WWTR1: variants seen among roughly 807,000 people sequenced by gnomAD.
The protein encoded by WWTR1 is WW domain-containing transcription regulator protein 1.
In WWTR1, 13 loss-of-function variants were observed where a neutral mutation model predicts 40.1. The observed-to-expected ratio is 0.32, with a 90% CI of 0.21 to 0.52. WWTR1 has a LOEUF of 0.52. Among genes scored for constraint, WWTR1 ranks in the 20% least tolerant of loss-of-function variants. WWTR1 has a pLI of 0.97. For missense variants in WWTR1, 436 were observed against 523.1 expected, an observed-to-expected ratio of 0.83 and a Z score of 1.63; for synonymous variants, 230 against 210.1, an observed-to-expected ratio of 1.09 and a Z score of -0.82.
At chr3:149,707,523 T>C (rs1715362481), upstream of WWTR1, among the ~76,000 whole-genome samples, 1 of 152,028 alleles carries the variant, frequency 6.6e-6, no homozygotes, top group Admixed American at 6.6e-5. Flanking sequence ...TTAATAGATG[T>C]TTTATGAAAA....
At chr3:149,563,221 C>T (rs1311391898) in intron 3 of WWTR1, among the ~76,000 whole-genome samples, 1 of 152,102 alleles carries the variant, frequency 6.6e-6, no homozygotes, top group African/African-American at 2.4e-5. Flanking sequence ...GTGGTGCAAA[C>T]AAAGAAAGGA....
intron 1 of WWTR1, among the ~76,000 whole-genome samples, chr3:149,672,127 A>C (rs1004769940): frequency 1.3e-5 from 2 of 152,078 alleles, no homozygotes; most frequent in South Asian, 4.1e-4. Context: ...AGGCTACAAA[A>C]AAACAAAAAA....
In WWTR1 at chr3:149,520,795, A is replaced by G. The variant is rs1560041198; in HGVS notation, c.*10T>C. 9.0e-6 allele frequency: 14 copies of G among 1,562,856 alleles called. No individual in the cohort carries two copies. Among genetic ancestry groups the G allele is most frequent in the East Asian group, 2.3e-5 (1 of 42,750 alleles). On this transcript the variant is annotated 3_prime_UTR_variant, in exon 7 of 7. Coordinates refer to ENST00000360632, the MANE Select transcript of WWTR1 (RefSeq NM_015472.6). Reference sequence around the variant, plus strand: ...AGGTCATGGCTACATCCAAGTTACAATGGTAGTGATTACAGCCAGGTTAGA... The same window carrying G: ...AGGTCATGGCTACATCCAAGTTACAGTGGTAGTGATTACAGCCAGGTTAGA...
At chr3:149,626,312 G>A (rs941228867) in intron 2 of WWTR1, among the ~76,000 whole-genome samples, 1 of 152,188 alleles carries the variant, frequency 6.6e-6, no homozygotes, top group African/African-American at 2.4e-5. Context: ...CCAGCATACA[G>A]TAATGCAACA....
intron 2 of WWTR1, among the ~76,000 whole-genome samples, chr3:149,588,739 A>G (rs1738556351): frequency 6.6e-6 from 1 of 152,192 alleles, no homozygotes; most frequent in South Asian, 2.1e-4. Context: ...CCTCCCCCCA[A>G]AATGAACCCA....
chr3:149,642,494 G>C (rs534227233), intron 2 of WWTR1, among the ~76,000 whole-genome samples: 3 of 151,642 alleles, frequency 2.0e-5, no homozygotes, highest in Non-Finnish European at 4.4e-5. Flanking sequence ...AGAGAAATCC[G>C]GCCGGGCACG....
upstream of WWTR1, chr3:149,661,273 C>T (rs2108173721): frequency 6.6e-6 from 1 of 152,552 alleles, no homozygotes; most frequent in East Asian, 1.9e-4. Context: ...CATCAGTGAC[C>T]ACCAGTAAGA....
chr3:149,611,922 T>A (rs1290088821), intron 2 of WWTR1, among the ~76,000 whole-genome samples: 1 of 152,378 alleles, frequency 6.6e-6, no homozygotes, highest in East Asian at 1.9e-4. Context: ...AAAACACTTC[T>A]ATTTACATTA....
At chr3:149,628,763 T>C (rs947888376) in intron 2 of WWTR1, among the ~76,000 whole-genome samples, 1 of 151,188 alleles carries the variant, frequency 6.6e-6, no homozygotes, top group Admixed American at 6.6e-5. Flanking sequence ...TTTTATTTTA[T>C]TTTATTTTAT....
intron 2 of WWTR1, among the ~76,000 whole-genome samples, chr3:149,627,492 C>G: frequency 6.6e-6 from 1 of 152,144 alleles, no homozygotes; most frequent in East Asian, 1.9e-4. Context: ...TGCCTTAAAC[C>G]AGCCCTTTCC....
chr3:149,666,611 CT>C (rs550160617), intron 2 of WWTR1, among the ~76,000 whole-genome samples: 22 of 152,138 alleles, frequency 1.4e-4, no homozygotes, highest in Non-Finnish European at 1.6e-4. Context: ...TACAAAACAA[CT>C]TCACATGTAC....
At chr3:149,722,676 A>G (rs961463636) in intron 4 of WWTR1, among the ~76,000 whole-genome samples, 4 of 151,732 alleles carry the variant, frequency 2.6e-5, no homozygotes, top group African/African-American at 9.7e-5. Flanking sequence ...GATCTGCTTG[A>G]TGGTACCCTA....
chr3:149,624,041 C>T (rs1054187346), intron 2 of WWTR1, among the ~76,000 whole-genome samples: 1 of 152,200 alleles, frequency 6.6e-6, no homozygotes, highest in Non-Finnish European at 1.5e-5. Context: ...TTCCCTTCGT[C>T]CGGCCACATC....
intron 2 of WWTR1, among the ~76,000 whole-genome samples, chr3:149,588,530 G>A (rs755792657): frequency 1.3e-5 from 2 of 152,142 alleles, no homozygotes; most frequent in Non-Finnish European, 2.9e-5. Context: ...GTCAGACAGT[G>A]GAAGACTGAA....
chr3:149,547,221 C>A lies in WWTR1; in HGVS notation c.569-4684G>T, dbSNP rs1736402505. On this transcript the variant is annotated intron_variant, in intron 3 of 6. Coordinates refer to ENST00000360632, the MANE Select transcript of WWTR1 (RefSeq NM_015472.6). Reference sequence around the variant, plus strand: ...ACATTTTAGGGAGAGAACAATAGTTCCATTAAAAAAAAAAAAAAAAGAGCT... The same window carrying A: ...ACATTTTAGGGAGAGAACAATAGTTACATTAAAAAAAAAAAAAAAAGAGCT... Among the ~76,000 whole-genome samples, 3 of 69,222 alleles carry A rather than the reference C, an allele frequency of 4.3e-5. No individual in the cohort carries two copies. In the South Asian group the frequency reaches 2.3e-3, roughly 54 times the overall value. 45.4% of individuals were successfully genotyped at this position (69,222 alleles called of 152,430 possible). A position where few individuals can be genotyped will look rare whatever the true frequency, so the allele number is the denominator to read the frequency against.
At chr3:149,640,577 C>T (rs1197204182) in intron 2 of WWTR1, among the ~76,000 whole-genome samples, 2 of 152,060 alleles carry the variant, frequency 1.3e-5, no homozygotes, top group African/African-American at 4.8e-5. Context: ...TGTGCCACCA[C>T]ACCCAGCTAA....
chr3:149,545,148 T>G (rs889267406), intron 3 of WWTR1, among the ~76,000 whole-genome samples: 7 of 152,222 alleles, frequency 4.6e-5, no homozygotes, highest in African/African-American at 1.7e-4. Context: ...GAGCTTGTTA[T>G]AGTATAATTA....
intron 2 of WWTR1, among the ~76,000 whole-genome samples, chr3:149,586,198 A>T (rs942112145): frequency 2.0e-5 from 3 of 152,178 alleles, no homozygotes; most frequent in African/African-American, 7.2e-5. Context: ...GTTTTGATAT[A>T]CCTTTAAACT....
Position 149,575,699 on chromosome 3 carries a change from C to A in WWTR1, c.432-2699G>T, listed in dbSNP as rs569460318. Among the ~76,000 whole-genome samples, 12 of 152,344 alleles carry A rather than the reference C, an allele frequency of 7.9e-5. No homozygotes were observed. In the South Asian group the frequency reaches 2.5e-3, roughly 32 times the overall value. ...CTAAATGCTCGTCCCCCACTCTCCC[C>A]TCCCGTTCTGAACAAGTGGGCTGTG... On this transcript the variant is annotated intron_variant, in intron 2 of 6. Transcript: ENST00000360632.
Sources: gnomAD v4.1 joint callset for allele counts (sites outside exome capture counted in the v4.1 genomes callset) on GRCh38, gnomAD v4.1.1 for gene constraint, MANE v1.5 for transcripts, NCBI Gene and HGNC (gene_info 2026-07-23, HGNC 2026-07-21) for gene names.